The following FHIP1A variants were observed in gnomAD, a reference collection of about 807,000 sequenced individuals.
FHIP1A encodes FHF complex subunit HOOK-interacting protein 1A.
A neutral mutation model predicts 88.6 loss-of-function variants in FHIP1A; 61 were observed. The ratio of observed to expected loss-of-function variants is 0.69; its 90% CI spans 0.56 to 0.85. FHIP1A has a LOEUF of 0.85. FHIP1A is among the 40% of genes least tolerant of loss of function. FHIP1A has a pLI of 0.00. For missense variants in FHIP1A, 1,154 were observed against 1,273.5 expected, an observed-to-expected ratio of 0.91 and a Z score of 1.43; for synonymous variants, 478 against 496.0, an observed-to-expected ratio of 0.96 and a Z score of 0.48.
chr4:151,419,028 C>T (rs192597295), intron 1 of FHIP1A, among the ~76,000 whole-genome samples: 12 of 152,206 alleles, frequency 7.9e-5, no homozygotes, highest in South Asian at 4.1e-4. Context: ...CAACTCAAGG[C>T]GTGATGGTTA....
intron 8 of FHIP1A, among the ~76,000 whole-genome samples, chr4:151,636,065 A>G (rs919233378): frequency 6.6e-6 from 1 of 152,002 alleles, no homozygotes; most frequent in Non-Finnish European, 1.5e-5. Context: ...TGGGCTCCCC[A>G]GTTCTCAATA....
At chr4:151,545,271 A>G (rs181653684) in intron 3 of FHIP1A, among the ~76,000 whole-genome samples, 1 of 152,074 alleles carries the variant, frequency 6.6e-6, no homozygotes, top group Admixed American at 6.6e-5. Context: ...ATAAAAAACT[A>G]GTAGTTTCAA....
intron 7 of FHIP1A, 87 bp downstream of exon 7, chr4:151,589,013 G>T: frequency 1.1e-6 from 1 of 912,996 alleles, no homozygotes; most frequent in Non-Finnish European, 1.7e-6. Flanking sequence ...TTGATTTGAT[G>T]GTGATTTTAG....
intron 2 of FHIP1A, among the ~76,000 whole-genome samples, chr4:151,465,677 G>C (rs570356308): frequency 2.0e-5 from 3 of 152,162 alleles, no homozygotes; most frequent in Non-Finnish European, 2.9e-5. Context: ...TGTCCACCAC[G>C]ATCAAGTAGG....
intron 1 of FHIP1A, among the ~76,000 whole-genome samples, chr4:151,441,265 C>T (rs115572032): frequency 3.0e-4 from 46 of 151,778 alleles, no homozygotes; most frequent in Non-Finnish European, 5.3e-4. Context: ...AGTGCATTTA[C>T]TGGCCTGTGA....
At chr4:151,651,869 A>G (rs1440445387) in intron 11 of FHIP1A, among the ~76,000 whole-genome samples, 2 of 152,246 alleles carry the variant, frequency 1.3e-5, no homozygotes, top group Admixed American at 1.3e-4. Context: ...TTGAGATAAC[A>G]TTTCAGTCTG....
chr4:151,433,660 G>C (rs145667803), intron 1 of FHIP1A, among the ~76,000 whole-genome samples: 1 of 152,224 alleles, frequency 6.6e-6, no homozygotes, highest in African/African-American at 2.4e-5. Context: ...ACGGTGGCCA[G>C]GAACTTGCTC....
intron 1 of FHIP1A, among the ~76,000 whole-genome samples, chr4:151,410,002 G>T (rs915495722): frequency 6.6e-6 from 1 of 152,184 alleles, no homozygotes; most frequent in African/African-American, 2.4e-5. Flanking sequence ...TCAAGTCGTG[G>T]TTATTATTGA....
At chr4:151,466,722 C>A (rs768247014) in intron 2 of FHIP1A, among the ~76,000 whole-genome samples, 3 of 152,144 alleles carry the variant, frequency 2.0e-5, no homozygotes, top group Non-Finnish European at 4.4e-5. Context: ...CTAAAACAAG[C>A]AATGGGGAAA....
In FHIP1A at chr4:151,667,615, T is replaced by C. The variant is rs577522277; in HGVS notation, c.*4861T>C. ...TTCAGAGGTTCTTTAGGGAAAAGAA[T>C]GACCAGGAGAAGGTGGGTGGAAGCC... On this transcript the variant is annotated 3_prime_UTR_variant, in exon 14 of 14. Coordinates refer to ENST00000435205, the MANE Select transcript of FHIP1A (RefSeq NM_001109977.3). Among the ~76,000 whole-genome samples, 35 of 152,324 alleles carry C rather than the reference T, an allele frequency of 2.3e-4. No homozygotes were observed. The highest frequency in any genetic ancestry group is 7.7e-4 in the African/African-American group (32 of 41,588).
At position 151,491,696 on chromosome 4, in the gene FHIP1A, A is replaced by G. The variant is rs183713630; in HGVS notation, c.-123+9048A>G. Among the ~76,000 whole-genome samples, 176 of 152,308 alleles carry G rather than the reference A, an allele frequency of 1.2e-3. 1 individual carries two copies. The highest frequency in any genetic ancestry group is 3.9e-3 in the African/African-American group (164 of 41,564). On this transcript the variant is annotated intron_variant, in intron 3 of 13. Coordinates refer to ENST00000435205, the MANE Select transcript of FHIP1A (RefSeq NM_001109977.3). ...TAAATGCTCCATTTAAAAAATACAG[A>G]ATGGCAGAATGGATAAAAATCCACC...
chr4:151,556,810 T>C (rs994267040), intron 3 of FHIP1A, among the ~76,000 whole-genome samples: 3 of 152,196 alleles, frequency 2.0e-5, no homozygotes, highest in African/African-American at 7.2e-5. Context: ...CCAGCCGCTC[T>C]CATAGTGTGG....
At chr4:151,573,575 T>C (rs1289215604) in intron 4 of FHIP1A, among the ~76,000 whole-genome samples, 1 of 152,140 alleles carries the variant, frequency 6.6e-6, no homozygotes, top group Admixed American at 6.6e-5. Context: ...TAATTTTGTT[T>C]TTTTTCTCCT....
At chr4:151,637,392 GA>G (rs1736393976) in intron 8 of FHIP1A, among the ~76,000 whole-genome samples, 1 of 152,150 alleles carries the variant, frequency 6.6e-6, no homozygotes, top group East Asian at 1.9e-4. Flanking sequence ...AGAATGGTAG[GA>G]AAGTTTTGCA....
At chr4:151,531,645 G>A (rs1198278218) in intron 3 of FHIP1A, among the ~76,000 whole-genome samples, 1 of 152,064 alleles carries the variant, frequency 6.6e-6, no homozygotes, top group African/African-American at 2.4e-5. Flanking sequence ...CATGAGGGAG[G>A]GAGAAGAAGA....
At chr4:151,588,699 C>A in intron 6 of FHIP1A, 141 bp from the exon 7 acceptor site, 1 of 698,524 alleles carries the variant, frequency 1.4e-6, no homozygotes, top group Non-Finnish European at 2.6e-6. Context: ...AGTATGAGGT[C>A]TGATTTGTTC....
chr4:151,531,054 G>C (rs1314082997), intron 3 of FHIP1A, among the ~76,000 whole-genome samples: 1 of 152,020 alleles, frequency 6.6e-6, no homozygotes, highest in Non-Finnish European at 1.5e-5. Context: ...TTTATATTCT[G>C]TTGTCACCCT....
At chr4:151,513,096 C>T (rs1258836016) in intron 3 of FHIP1A, among the ~76,000 whole-genome samples, 4 of 152,242 alleles carry the variant, frequency 2.6e-5, no homozygotes, top group South Asian at 2.1e-4. Flanking sequence ...AGACTAACAG[C>T]GGATCTCTCG....
At chr4:151,519,554 T>C (rs1283670966) in intron 3 of FHIP1A, among the ~76,000 whole-genome samples, 1 of 152,114 alleles carries the variant, frequency 6.6e-6, no homozygotes, top group African/African-American at 2.4e-5. Flanking sequence ...ACAAGTCTTT[T>C]TGTGGATATG....
Sources: allele counts gnomAD v4.1 joint callset (sites outside exome capture counted in the v4.1 genomes callset), GRCh38; gene constraint gnomAD v4.1.1; transcripts MANE v1.5; gene names NCBI Gene and HGNC (gene_info 2026-07-23, HGNC 2026-07-21).